The following PRKG1 variants were observed in gnomAD, a reference collection of about 807,000 sequenced individuals.
The protein encoded by PRKG1 is cGMP-dependent protein kinase 1.
PRKG1 carries 35 observed loss-of-function variants against 88.1 expected under a neutral mutation model. The observed-to-expected ratio is 0.40, with a 90% CI of 0.30 to 0.53. PRKG1 has a LOEUF of 0.53. PRKG1 is among the 20% of genes least tolerant of loss of function. The probability of loss-of-function intolerance (pLI) is 0.59; values close to 1 mark genes in which losing one functional copy is unlikely to be tolerated. For synonymous variants in PRKG1, 303 were observed against 292.5 expected (o/e 1.04, Z -0.37); for missense variants, 540 against 839.8 (o/e 0.64, Z 4.41).
intron 2 of PRKG1, among the ~76,000 whole-genome samples, chr10:51,390,557 A>T (rs1241190339): frequency 6.6e-6 from 1 of 152,238 alleles, no homozygotes; most frequent in Non-Finnish European, 1.5e-5. Context: ...TATAAATATC[A>T]TTGCAACACT....
intron 2 of PRKG1, among the ~76,000 whole-genome samples, chr10:51,255,780 A>C (rs1839542332): frequency 6.6e-6 from 1 of 152,116 alleles, no homozygotes; most frequent in Admixed American, 6.6e-5. Flanking sequence ...AGAGATCCTG[A>C]CCATCTTTGG....
intron 9 of PRKG1, among the ~76,000 whole-genome samples, chr10:52,162,319 A>ATTTT (rs1838298465): frequency 6.6e-6 from 1 of 152,132 alleles, no homozygotes; most frequent in Non-Finnish European, 1.5e-5. Flanking sequence ...TGTATCAAAA[A>ATTTT]TAATAAGGCT....
chr10:51,267,757 C>A (rs1839873724), intron 2 of PRKG1, among the ~76,000 whole-genome samples: 1 of 152,140 alleles, frequency 6.6e-6, no homozygotes, highest in African/African-American at 2.4e-5. Context: ...TCAAAGAATT[C>A]ATGACCAAGA....
chr10:51,281,945 AT>A (rs759403174), intron 2 of PRKG1, among the ~76,000 whole-genome samples: 4 of 152,130 alleles, frequency 2.6e-5, no homozygotes, highest in Non-Finnish European at 5.9e-5. Context: ...TGAAATCAGC[AT>A]TTTTCATAGT....
chr10:51,559,049 T>A (rs576259977), intron 3 of PRKG1, among the ~76,000 whole-genome samples: 1 of 152,092 alleles, frequency 6.6e-6, no homozygotes, highest in Non-Finnish European at 1.5e-5. Flanking sequence ...ATAGTGGTTC[T>A]CTTTTATTAT....
At chr10:51,461,372 T>G (rs1170853153) in intron 2 of PRKG1, among the ~76,000 whole-genome samples, 1 of 152,196 alleles carries the variant, frequency 6.6e-6, no homozygotes, top group Non-Finnish European at 1.5e-5. Context: ...AACTAAAATA[T>G]TCTAACAACA....
chr10:51,584,728 T>C (rs547530105), intron 3 of PRKG1, among the ~76,000 whole-genome samples: 2 of 152,190 alleles, frequency 1.3e-5, no homozygotes, highest in African/African-American at 4.8e-5. Flanking sequence ...CAAAATAGGT[T>C]TATTTGTGCA....
chr10:51,640,189 G>A (rs1839762541), intron 3 of PRKG1, among the ~76,000 whole-genome samples: 1 of 152,126 alleles, frequency 6.6e-6, no homozygotes, highest in Non-Finnish European at 1.5e-5. Context: ...CATGGTAGAT[G>A]GGGGGAAATG....
At chr10:52,237,958 G>A (rs1209395724) in intron 9 of PRKG1, among the ~76,000 whole-genome samples, 1 of 131,796 alleles carries the variant, frequency 7.6e-6, no homozygotes, top group Admixed American at 8.1e-5. Context: ...CATGGTACTG[G>A]TACCAAAACA....
chr10:51,387,376 A>C (rs908391384), intron 2 of PRKG1, among the ~76,000 whole-genome samples: 3 of 149,832 alleles, frequency 2.0e-5, no homozygotes, highest in Admixed American at 6.7e-5. Context: ...ATTTAAATAA[A>C]CTTAATATAT....
intron 9 of PRKG1, among the ~76,000 whole-genome samples, chr10:52,215,917 G>T (rs938489088): frequency 6.6e-6 from 1 of 152,160 alleles, no homozygotes; most frequent in Middle Eastern, 3.4e-3. Context: ...TAACTTGAAG[G>T]CAAACATTGT....
At chr10:51,972,891 C>T (rs1301392489) in intron 5 of PRKG1, among the ~76,000 whole-genome samples, 3 of 151,874 alleles carry the variant, frequency 2.0e-5, no homozygotes, top group Non-Finnish European at 2.9e-5. Context: ...TTGGAAATGT[C>T]AGTTCTGCCC....
intron 5 of PRKG1, among the ~76,000 whole-genome samples, chr10:51,999,535 C>T (rs943236399): frequency 6.6e-6 from 1 of 152,150 alleles, no homozygotes; most frequent in Non-Finnish European, 1.5e-5. Flanking sequence ...ATCTCCGTAT[C>T]TTTATCTATC....
At chr10:51,048,642 C>T (rs539695461) in intron 1 of PRKG1, among the ~76,000 whole-genome samples, 9 of 152,306 alleles carry the variant, frequency 5.9e-5, no homozygotes, top group African/African-American at 1.4e-4. Context: ...CTGGGAACTA[C>T]TAGTCTTTGG....
intron 7 of PRKG1, among the ~76,000 whole-genome samples, chr10:52,091,672 T>G (rs1168427557): frequency 6.6e-6 from 1 of 152,156 alleles, no homozygotes; most frequent in East Asian, 1.9e-4. Flanking sequence ...GGTTAAACAG[T>G]CTTGGGTTGC....
chr10:52,210,307 A>G (rs1839934140), intron 9 of PRKG1, among the ~76,000 whole-genome samples: 1 of 151,732 alleles, frequency 6.6e-6, no homozygotes, highest in Non-Finnish European at 1.5e-5. Flanking sequence ...AGTCTCGGCC[A>G]CTAGATCTTA....
At chr10:51,648,078 T>TA in intron 3 of PRKG1, among the ~76,000 whole-genome samples, 1 of 152,170 alleles carries the variant, frequency 6.6e-6, no homozygotes, top group South Asian at 2.1e-4. Context: ...ATGTAATGTT[T>TA]AAAAATCTAC....
intron 2 of PRKG1, among the ~76,000 whole-genome samples, chr10:51,304,638 C>A (rs1385002610): frequency 3.6e-5 from 4 of 111,218 alleles, no homozygotes; most frequent in African/African-American, 1.4e-4. Context: ...CCCCCCTCCC[C>A]CCACCCCACA....
intron 3 of PRKG1, among the ~76,000 whole-genome samples, chr10:51,751,016 C>T (rs1453322810): frequency 1.3e-5 from 2 of 152,030 alleles, no homozygotes; most frequent in Admixed American, 6.6e-5. Context: ...CCACTCTGTC[C>T]CATAATGGAC....
Sources: gnomAD v4.1 joint callset for allele counts (sites outside exome capture counted in the v4.1 genomes callset) on GRCh38, gnomAD v4.1.1 for gene constraint, MANE v1.5 for transcripts, NCBI Gene and HGNC (gene_info 2026-07-23, HGNC 2026-07-21) for gene names.